TAF3: variants seen among roughly 807,000 people sequenced by gnomAD.
TAF3 encodes transcription initiation factor TFIID subunit 3.
Under a neutral mutation model 80.6 loss-of-function variants are expected in TAF3, and 7 were observed. The observed-to-expected ratio is 0.09, with a 90% CI of 0.05 to 0.16. The LOEUF (loss-of-function observed/expected upper bound fraction) is 0.16. Ranked by LOEUF, TAF3 falls within the 10% of genes least tolerant of loss-of-function variation. The pLI, the probability that TAF3 is intolerant of heterozygous loss-of-function variation, is 1.00. For synonymous variants in TAF3, 444 were observed against 446.1 expected, an observed-to-expected ratio of 1.00 and a Z score of 0.06; for missense variants, 921 against 1,140.2, an observed-to-expected ratio of 0.81 and a Z score of 2.77.
chr10:8,003,165 T>G (rs1361063123), intron 4 of TAF3, among the ~76,000 whole-genome samples: 5 of 152,166 alleles, frequency 3.3e-5, no homozygotes, highest in Non-Finnish European at 7.4e-5. Context: ...GAAATCTACC[T>G]TATTATTTTG....
chr10:7,901,245 T>A (rs1051920896), intron 2 of TAF3, among the ~76,000 whole-genome samples: 21 of 152,316 alleles, frequency 1.4e-4, no homozygotes, highest in Middle Eastern at 3.4e-3. Flanking sequence ...AAAGAAAACT[T>A]TAAAATACAT....
chr10:7,869,219 T>C (rs1837242766), intron 2 of TAF3, among the ~76,000 whole-genome samples: 1 of 152,120 alleles, frequency 6.6e-6, no homozygotes, highest in African/African-American at 2.4e-5. Context: ...TATAATCCCA[T>C]GAAGAATAAT....
In TAF3 at chr10:7,925,808, AAAAAG is replaced by A. The variant is rs567282745; in HGVS notation, c.410-38092_410-38088del. Reference sequence around the variant, plus strand: ...AAGGAAACTCCATCTCAAAAAAAAAAAAAAGAAAAGAAAAGAAAAGAAAAAGGAAG... The same window carrying A: ...AAGGAAACTCCATCTCAAAAAAAAAAAAAAGAAAAGAAAAGAAAAAGGAAG... On this transcript the variant is annotated intron_variant, in intron 2 of 6. Transcript: ENST00000344293. Among the ~76,000 whole-genome samples, 850 of 140,496 alleles carry A rather than the reference AAAAAG, an allele frequency of 6.0e-3. 10 individuals are homozygous for A. The highest frequency in any genetic ancestry group is 0.014 in the African/African-American group (547 of 39,576). The allele number at this position is 140,496 out of a possible 152,430, so 92.2% of individuals were successfully genotyped here. A position where few individuals can be genotyped will look rare whatever the true frequency, so the allele number is the denominator to read the frequency against.
intron 2 of TAF3, among the ~76,000 whole-genome samples, chr10:7,879,611 A>G (rs1298365137): frequency 6.6e-6 from 1 of 152,218 alleles, no homozygotes; most frequent in Non-Finnish European, 1.5e-5. Context: ...TCTTTTTGTA[A>G]GACAATTCAG....
At chr10:7,976,356 C>A (rs563179831) in intron 3 of TAF3, among the ~76,000 whole-genome samples, 5 of 151,856 alleles carry the variant, frequency 3.3e-5, no homozygotes, top group Non-Finnish European at 7.4e-5. Context: ...AAGCGATTCT[C>A]CTGCCTCAGC....
At chr10:7,834,969 A>G (rs1588517108) in intron 2 of TAF3, among the ~76,000 whole-genome samples, 1 of 152,158 alleles carries the variant, frequency 6.6e-6, no homozygotes, top group Non-Finnish European at 1.5e-5. Context: ...CTTTTAGATC[A>G]TTTCAAGATA....
At chr10:7,840,442 G>A (rs1211199016) in intron 2 of TAF3, among the ~76,000 whole-genome samples, 3 of 151,196 alleles carry the variant, frequency 2.0e-5, no homozygotes, top group Admixed American at 6.6e-5. Flanking sequence ...ATGAGCCACC[G>A]CGCCCGGCCT....
chr10:7,871,204 C>T (rs928818262), intron 2 of TAF3, among the ~76,000 whole-genome samples: 2 of 151,860 alleles, frequency 1.3e-5, no homozygotes, highest in Non-Finnish European at 2.9e-5. Flanking sequence ...CTTGTTATTT[C>T]TTGTAAATCA....
intron 1 of TAF3, among the ~76,000 whole-genome samples, chr10:7,823,201 A>G (rs1836706755): frequency 1.3e-5 from 2 of 152,216 alleles, no homozygotes; most frequent in African/African-American, 4.8e-5. Context: ...GGTATAATTC[A>G]TTCAATAGGT....
At chr10:7,966,780 C>A (rs11255463) in intron 3 of TAF3, among the ~76,000 whole-genome samples, 83,808 of 151,846 alleles carry the variant, frequency 0.55, 24,686 homozygotes, top group East Asian at 0.71. Flanking sequence ...ACCTAGAAAA[C>A]TGAGTGTATT....
At chr10:7,876,187 A>G (rs1218599662) in intron 2 of TAF3, among the ~76,000 whole-genome samples, 3 of 152,128 alleles carry the variant, frequency 2.0e-5, no homozygotes, top group African/African-American at 7.2e-5. Flanking sequence ...TTTGTTCCCA[A>G]ATAGTGATGA....
At chr10:7,840,602 G>T (rs1294711653) in intron 2 of TAF3, among the ~76,000 whole-genome samples, 1 of 151,496 alleles carries the variant, frequency 6.6e-6, no homozygotes, top group Non-Finnish European at 1.5e-5. Flanking sequence ...CTGTGCTTAC[G>T]GTTTTTGGAA....
At chr10:7,974,957 C>A (rs1831656392) in intron 3 of TAF3, 2 of 170,182 alleles carry the variant, frequency 1.2e-5, no homozygotes, top group African/African-American at 2.4e-5. Context: ...GCCTGTAATC[C>A]CAGCTACTCT....
chr10:7,991,186 TACAC>T (rs750581407), intron 4 of TAF3, among the ~76,000 whole-genome samples: 165 of 152,062 alleles, frequency 1.1e-3, no homozygotes, highest in Non-Finnish European at 1.7e-3. Context: ...TATGTATAGA[TACAC>T]ACACACACAT....
Position 7,818,581 on chromosome 10 carries a change from G to T in TAF3, c.-129G>T, listed in dbSNP as rs1442543367. The T allele has an allele frequency of 2.8e-6, 3 of 1,061,800 alleles. No individual in the cohort carries two copies. The highest frequency in any genetic ancestry group is 3.8e-6 in the Non-Finnish European group (3 of 779,834). 65.8% of individuals were successfully genotyped at this position (1,061,800 alleles called of 1,614,324 possible). On this transcript the variant is annotated 5_prime_UTR_variant, in exon 1 of 7. Transcript: ENST00000344293. Reference sequence around the variant, plus strand: ...GTGCTGCTGGGGCTTTGAGGTGGTCGCCGGGGGTCCGGGGGACCCTTTCCC... The same window carrying T: ...GTGCTGCTGGGGCTTTGAGGTGGTCTCCGGGGGTCCGGGGGACCCTTTCCC...
At chr10:7,846,289 TA>T (rs1053488832) in intron 2 of TAF3, among the ~76,000 whole-genome samples, 13 of 152,226 alleles carry the variant, frequency 8.5e-5, no homozygotes, top group African/African-American at 3.1e-4. Context: ...TAGTTTTTGA[TA>T]AAATTTCTTC....
At chr10:7,926,395 T>C (rs1242697076) in intron 2 of TAF3, among the ~76,000 whole-genome samples, 1 of 152,194 alleles carries the variant, frequency 6.6e-6, no homozygotes, top group East Asian at 1.9e-4. Flanking sequence ...ATTTTGATGA[T>C]TCATTTGGGC....
intron 2 of TAF3, among the ~76,000 whole-genome samples, chr10:7,931,835 A>G (rs759744947): frequency 8.5e-5 from 13 of 152,222 alleles, no homozygotes; most frequent in Non-Finnish European, 1.3e-4. Flanking sequence ...GACAGTTCCT[A>G]CCTGCTCAAA....
chr10:7,955,791 G>A (rs1182715778), intron 2 of TAF3, among the ~76,000 whole-genome samples: 1 of 152,148 alleles, frequency 6.6e-6, no homozygotes, highest in Non-Finnish European at 1.5e-5. Flanking sequence ...AAAGAAGCAT[G>A]TTTTTCTCAT....
Sources: allele counts gnomAD v4.1 joint callset (sites outside exome capture counted in the v4.1 genomes callset), GRCh38; gene constraint gnomAD v4.1.1; transcripts MANE v1.5; gene names NCBI Gene and HGNC (gene_info 2026-07-23, HGNC 2026-07-21).